AMOT: variants seen among roughly 807,000 people sequenced by gnomAD.
AMOT encodes the protein angiomotin.
AMOT carries 11 observed loss-of-function variants against 67.0 expected under a neutral mutation model. The observed-to-expected ratio is 0.16, with a 90% CI of 0.10 to 0.27. AMOT has a LOEUF of 0.27. Among genes scored for constraint, AMOT ranks in the 10% least tolerant of loss-of-function variants. The pLI is 1.00. For missense variants in AMOT, 753 were observed against 852.0 expected, an observed-to-expected ratio of 0.88 and a Z score of 1.45; for synonymous variants, 326 against 321.4, an observed-to-expected ratio of 1.01 and a Z score of -0.15.
rs377391515 is a variant in AMOT, at chrX:112,779,292, G to C, written c.2862C>G (p.Ala954=). Residue 954 remains alanine (A), a synonymous_variant, in exon 13 of 14, where the codon GCC becomes GCG. Transcript: ENST00000371959. ...AGQIPAAASV[A]SAAAVAPSAA... ...CAGAAGGAGCAACGGCAGCAGCTGA[G>C]GCAACAGAGGCAGCAGCTGGAATCT... 4.1e-5 allele frequency: 27 copies of C among 663,598 alleles called. 1 individual carries two copies. Among genetic ancestry groups the C allele is most frequent in the Middle Eastern group, 4.1e-4 (1 of 2,416 alleles). 54.7% of individuals were successfully genotyped at this position (663,598 alleles called of 1,213,427 possible).
At chrX:112,787,426 AAT>A (rs1349321526) in intron 10 of AMOT, among the ~76,000 whole-genome samples, 1 of 111,957 alleles carries the variant, frequency 8.9e-6, no homozygotes, top group Non-Finnish European at 1.9e-5. Flanking sequence ...GAGTAAATGC[AAT>A]ATGATTCCTT....
At chrX:112,831,843 G>A (rs1441279760) in intron 2 of AMOT, among the ~76,000 whole-genome samples, 1 of 103,643 alleles carries the variant, frequency 9.6e-6, no homozygotes, top group Admixed American at 1.0e-4. Context: ...AAAAAAAAAA[G>A]ATCATTCAAG....
intron 10 of AMOT, among the ~76,000 whole-genome samples, chrX:112,789,868 T>C (rs904259966): frequency 9.2e-6 from 1 of 109,086 alleles, no homozygotes; most frequent in Non-Finnish European, 1.9e-5. Context: ...TCTCTTTCTC[T>C]TTCTTCCTTT....
chrX:112,790,846 T>C (rs1933548288), intron 9 of AMOT, 64 bp from the exon 10 acceptor site: 1 of 1,011,139 alleles, frequency 9.9e-7, no homozygotes, highest in Non-Finnish European at 1.3e-6. Flanking sequence ...TCTGAGCCCC[T>C]ATTCTTGGAG....
intron 2 of AMOT, among the ~76,000 whole-genome samples, chrX:112,831,422 G>T (rs1244180016): frequency 9.3e-6 from 1 of 106,952 alleles, no homozygotes; most frequent in Non-Finnish European, 1.9e-5. Context: ...GCCAGACATT[G>T]TGCTAGGTAA....
At position 112,817,091 on chromosome X, in the gene AMOT, A is replaced by G. The variant is rs1445668933; in HGVS notation, c.873-1214T>C. On this transcript the variant is annotated intron_variant, in intron 4 of 13. Transcript: ENST00000371959. ...CCCATGTCCTGTGGACACTTGTTCT[A>G]CAGTTGATATTTCTCAATCCAGGGA... Among the ~76,000 whole-genome samples the G allele has an allele frequency of 2.7e-5, 3 of 111,644 alleles. 1 individual carries two copies. The highest frequency in any genetic ancestry group is 5.6e-5 in the Non-Finnish European group (3 of 53,155).
At chrX:112,836,611 G>T (rs1190824278) in intron 1 of AMOT, among the ~76,000 whole-genome samples, 1 of 110,801 alleles carries the variant, frequency 9.0e-6, no homozygotes, top group Non-Finnish European at 1.9e-5. Context: ...GAAAGCAGGT[G>T]ATCTCTTAGG....
intron 2 of AMOT, among the ~76,000 whole-genome samples, chrX:112,831,939 C>A (rs763992534): frequency 1.8e-5 from 2 of 111,126 alleles, no homozygotes; most frequent in Non-Finnish European, 3.8e-5. Context: ...CCAAGCTAGA[C>A]CTTGCAATAC....
rs755757620 is a variant in AMOT at position 112,779,105 on chromosome X, T to TTGGAGC, written c.3043_3048dup (p.Ala1015_Pro1016dup). The stretch of plus-strand genomic sequence containing the variant: ...GCCTGAGCCACAGCTGGAGTTGGAG[T>TTGGAGC]TGGAGCTGGAGTTGGAGCCACAGCC... On this transcript the variant is annotated inframe_insertion, in exon 13 of 14. Transcript: ENST00000371959. 1 of 1,174,219 alleles carries TTGGAGC rather than the reference T, an allele frequency of 8.5e-7. No individual in the cohort carries two copies. The highest frequency in any genetic ancestry group is 1.2e-6 in the Non-Finnish European group (1 of 862,037).
At chrX:112,778,767 A>G in intron 13 of AMOT, 103 bp from the exon 14 acceptor site, 1 of 786,954 alleles carries the variant, frequency 1.3e-6, no homozygotes, top group Non-Finnish European at 1.8e-6. Flanking sequence ...TGGCAAAGTG[A>G]GACTTGCCTG....
chrX:112,813,630 C>G (rs142978680), intron 5 of AMOT, among the ~76,000 whole-genome samples: 1,451 of 110,844 alleles, frequency 0.013, 31 homozygotes, highest in African/African-American at 0.045. Context: ...TGGCTGAACC[C>G]ACTCCCACAC....
rs1444317243 is a variant in AMOT at position 112,822,807 on chromosome X, G to A, written c.320C>T (p.Pro107Leu). ...SPRMQNNEELPTYEEAKVQSQ... is the reference protein window; with the variant it reads ...SPRMQNNEELLTYEEAKVQSQ... The stretch of plus-strand genomic sequence containing the variant: ...CTGGACCTTGGCTTCTTCATAGGTC[G>A]GGAGTTCTTCATTATTTTGCATTCG... Residue 107 changes from proline (P) to leucine (L), a missense_variant, in exon 4 of 14, where the codon CCG (proline) becomes CTG (leucine). Physicochemically the swap from Pro to Leu is moderately conservative, Grantham distance 98. Transcript: ENST00000371959. 1.7e-6 allele frequency: 2 copies of A among 1,167,218 alleles called. No homozygotes were observed. The highest frequency in any genetic ancestry group is 2.3e-6 in the Non-Finnish European group (2 of 872,911).
intron 1 of AMOT, among the ~76,000 whole-genome samples, chrX:112,838,172 G>T (rs146896706): frequency 0.03 from 3,358 of 110,826 alleles, 131 homozygotes; most frequent in African/African-American, 0.1. Flanking sequence ...CCACCCCCAC[G>T]CCCCAAACAA....
At chrX:112,830,788 G>C (rs2147830930) in intron 2 of AMOT, among the ~76,000 whole-genome samples, 1 of 111,967 alleles carries the variant, frequency 8.9e-6, no homozygotes, top group South Asian at 3.7e-4. Context: ...AGCATCAGGT[G>C]GGTGAAAACA....
At chrX:112,816,415 GA>G (rs983147947) in intron 4 of AMOT, among the ~76,000 whole-genome samples, 9 of 109,762 alleles carry the variant, frequency 8.2e-5, no homozygotes, top group South Asian at 3.9e-4. Context: ...CAAAAAAAAA[GA>G]AAAAAAACTA....
At chrX:112,820,690 TA>T (rs1356384730) in intron 4 of AMOT, among the ~76,000 whole-genome samples, 1 of 111,219 alleles carries the variant, frequency 9.0e-6, no homozygotes, top group Admixed American at 9.5e-5. Flanking sequence ...AAAAGCAAAA[TA>T]AAAACCCCCA....
chrX:112,789,400 T>C (rs2147785525), intron 10 of AMOT, among the ~76,000 whole-genome samples: 1 of 110,886 alleles, frequency 9.0e-6, no homozygotes, highest in East Asian at 2.9e-4. Flanking sequence ...CCAGGAAGCT[T>C]AAGTCCATGA....
At position 112,804,187 on chromosome X, in the gene AMOT, G is replaced by C. The variant is rs778931932; in HGVS notation, c.1776+760C>G. ...TTGGGGGCCCTTGCATTTGTCAAGG[G>C]AAGGCTTCATCTCTGCACACACATA... is the stretch of plus-strand genomic sequence containing the variant. On this transcript the variant is annotated intron_variant, in intron 8 of 13. Coordinates refer to ENST00000371959, the MANE Select transcript of AMOT (RefSeq NM_001113490.2). 1.4e-3 allele frequency among the ~76,000 whole-genome samples: 161 copies of C among 111,481 alleles called. 1 individual carries two copies. The highest frequency in any genetic ancestry group is 4.9e-3 in the African/African-American group (151 of 30,656).
At chrX:112,821,798 T>C (rs947528509) in intron 4 of AMOT, among the ~76,000 whole-genome samples, 1 of 112,369 alleles carries the variant, frequency 8.9e-6, no homozygotes, top group Admixed American at 9.4e-5. Context: ...AAATGGTAAC[T>C]GACAAGAAAT....
Sources: allele counts gnomAD v4.1 joint callset (sites outside exome capture counted in the v4.1 genomes callset), GRCh38; gene constraint gnomAD v4.1.1; transcripts MANE v1.5; gene names NCBI Gene and HGNC (gene_info 2026-07-23, HGNC 2026-07-21).